The following PRKAR2B variants were observed in gnomAD, a reference collection of about 807,000 sequenced individuals.
PRKAR2B encodes the protein cAMP-dependent protein kinase type II-beta regulatory subunit.
A neutral mutation model predicts 49.9 loss-of-function variants in PRKAR2B; 14 were observed. The ratio of observed to expected loss-of-function variants is 0.28; its 90% CI spans 0.19 to 0.44. The LOEUF is 0.44. Ranked by LOEUF, PRKAR2B falls within the 20% of genes least tolerant of loss-of-function variation. PRKAR2B has a pLI of 1.00. For synonymous variants in PRKAR2B, 196 were observed against 197.7 expected, an observed-to-expected ratio of 0.99 and a Z score of 0.07; for missense variants, 393 against 537.9, an observed-to-expected ratio of 0.73 and a Z score of 2.67.
At chr7:107,045,932 G>C (rs935317944) in intron 1 of PRKAR2B, among the ~76,000 whole-genome samples, 1 of 152,182 alleles carries the variant, frequency 6.6e-6, no homozygotes, top group Non-Finnish European at 1.5e-5. Context: ...GAATGATTTG[G>C]TGCTTTATTT....
Position 107,159,565 on chromosome 7 carries a change from G to A in PRKAR2B, c.1240G>A (p.Val414Ile), listed in dbSNP as rs367760989. The change falls in exon 11 of 11, where the codon GTT becomes ATT. Residue 414 changes from valine (V) to isoleucine (I), a missense_variant. By Grantham distance (29) the Val-to-Ile change is conservative. Coordinates refer to ENST00000265717, the MANE Select transcript of PRKAR2B (RefSeq NM_002736.3). ...VALFGTNMDIVEPTA is the reference protein window; with the variant it reads ...VALFGTNMDIIEPTA ...CCTGTTTGGAACGAACATGGATATT[G>A]TTGAACCCACTGCATGAAGCAAAAG... 1.2e-5 allele frequency: 20 copies of A among 1,613,962 alleles called. No homozygotes were observed. Among genetic ancestry groups the A allele is most frequent in the Non-Finnish European group, 1.6e-5 (19 of 1,179,978 alleles).
chr7:107,080,559 G>T (rs1436215654), intron 2 of PRKAR2B, among the ~76,000 whole-genome samples: 1 of 152,204 alleles, frequency 6.6e-6, no homozygotes, highest in African/African-American at 2.4e-5. Flanking sequence ...TTAGGGAAAA[G>T]ATGGTGGTCT....
Position 107,093,686 on chromosome 7 carries a change from G to A in PRKAR2B, c.343+23370G>A, listed in dbSNP as rs554590519. On this transcript the variant is annotated intron_variant, in intron 2 of 10. Coordinates refer to ENST00000265717, the MANE Select transcript of PRKAR2B (RefSeq NM_002736.3). Reference sequence around the variant, plus strand: ...CTCCCCCCACCCCATGACAGGCCCCGGTGTGTGATGTTTTGCACTCTGTGT... The same window carrying A: ...CTCCCCCCACCCCATGACAGGCCCCAGTGTGTGATGTTTTGCACTCTGTGT... 1.6e-4 allele frequency among the ~76,000 whole-genome samples: 20 copies of A among 127,370 alleles called. No homozygotes were observed. In the South Asian group the frequency reaches 3.6e-3, roughly 23 times the overall value. The allele number at this position is 127,370 out of a possible 152,430, so 83.6% of individuals were successfully genotyped here.
chr7:107,143,986 C>A (rs1386046386), intron 5 of PRKAR2B, among the ~76,000 whole-genome samples: 1 of 152,128 alleles, frequency 6.6e-6, no homozygotes, highest in Non-Finnish European at 1.5e-5. Flanking sequence ...ATCCATGGGA[C>A]AAATTCTAGT....
At chr7:107,061,071 C>T (rs1404071121) in intron 1 of PRKAR2B, among the ~76,000 whole-genome samples, 3 of 152,088 alleles carry the variant, frequency 2.0e-5, no homozygotes, top group Non-Finnish European at 2.9e-5. Flanking sequence ...TGTGAATGTA[C>T]TTCAAGCTTC....
At chr7:107,153,077 G>T in intron 7 of PRKAR2B, 100 bp from the exon 8 acceptor site, 1 of 670,780 alleles carries the variant, frequency 1.5e-6, no homozygotes, top group East Asian at 2.8e-5. Flanking sequence ...CACACTGCTC[G>T]ATTTATTTGG....
chr7:107,047,419 G>C (rs1343229846), intron 1 of PRKAR2B, among the ~76,000 whole-genome samples: 1 of 151,728 alleles, frequency 6.6e-6, no homozygotes, highest in Non-Finnish European at 1.5e-5. Flanking sequence ...GCAACATGTG[G>C]TCTTGATCAC....
chr7:107,153,787 A>T (rs1251381713), intron 8 of PRKAR2B, among the ~76,000 whole-genome samples: 1 of 152,238 alleles, frequency 6.6e-6, no homozygotes, highest in East Asian at 1.9e-4. Flanking sequence ...GGCTACCAAA[A>T]GTAGAATTTG....
intron 5 of PRKAR2B, 95 bp downstream of exon 5, chr7:107,141,048 G>A: frequency 1.2e-6 from 1 of 844,354 alleles, no homozygotes; most frequent in Non-Finnish European, 1.9e-6. Context: ...ATATAGGATA[G>A]TTGTTATTGC....
intron 4 of PRKAR2B, among the ~76,000 whole-genome samples, chr7:107,140,429 T>C (rs1795771426): frequency 6.6e-6 from 1 of 152,232 alleles, no homozygotes; most frequent in South Asian, 2.1e-4. Context: ...GTATTTAGGT[T>C]ATCTGTACAC....
At chr7:107,064,735 G>T (rs1462412007) in intron 1 of PRKAR2B, among the ~76,000 whole-genome samples, 1 of 152,138 alleles carries the variant, frequency 6.6e-6, no homozygotes, top group Non-Finnish European at 1.5e-5. Flanking sequence ...TATTTCAAGG[G>T]CTTACAAGAC....
At chr7:107,052,626 C>T (rs551111604) in intron 1 of PRKAR2B, among the ~76,000 whole-genome samples, 29 of 152,216 alleles carry the variant, frequency 1.9e-4, no homozygotes, top group African/African-American at 6.5e-4. Context: ...TCTTCAACCA[C>T]GGTTTATACA....
chr7:107,070,239 T>G (rs985179902), intron 1 of PRKAR2B, 42 bp from the exon 2 acceptor site: 2 of 1,518,628 alleles, frequency 1.3e-6, no homozygotes. Flanking sequence ...TTGGGAAAAT[T>G]AGACTTTTAA....
chr7:107,066,301 G>GGTGTGTGTGTGTGT lies in PRKAR2B; in HGVS notation c.308-3961_308-3948dup, dbSNP rs3074837. ...AGTCTCTAGTTTTCTCTCTATGTGG[G>GGTGTGTGTGTGTGT]GTGTGTGTGTGTGTGTGTGTGTGTG... On this transcript the variant is annotated intron_variant, in intron 1 of 10. Coordinates refer to ENST00000265717, the MANE Select transcript of PRKAR2B (RefSeq NM_002736.3). Among the ~76,000 whole-genome samples the GGTGTGTGTGTGTGT allele has an allele frequency of 1.5e-3, 224 of 145,602 alleles. 2 individuals are homozygous for GGTGTGTGTGTGTGT. The highest frequency in any genetic ancestry group is 5.5e-3 in the South Asian group (25 of 4,540).
At chr7:107,150,873 G>A in intron 6 of PRKAR2B, 49 bp from the exon 7 acceptor site, 1 of 908,682 alleles carries the variant, frequency 1.1e-6, no homozygotes, top group Non-Finnish European at 1.7e-6. Context: ...AAAACTATTT[G>A]TATAGCTTTA....
chr7:107,111,452 A>G (rs1795170355), intron 2 of PRKAR2B, among the ~76,000 whole-genome samples: 1 of 151,994 alleles, frequency 6.6e-6, no homozygotes, highest in African/African-American at 2.4e-5. Flanking sequence ...CTTGGGTGAG[A>G]TCCCAGTGCC....
At position 107,161,482 on chromosome 7, in the gene PRKAR2B, AAAG is replaced by A. The variant is rs1796195937; in HGVS notation, c.*1901_*1903del. The A allele has an allele frequency of 6.5e-6, 1 of 152,700 alleles. No individual in the cohort carries two copies. Among genetic ancestry groups the A allele is most frequent in the Non-Finnish European group, 1.5e-5 (1 of 68,044 alleles). 9.5% of individuals were successfully genotyped at this position (152,700 alleles called of 1,614,324 possible). ...GTTATATTTAAATTTTCCTTACAAT[AAAG>A]CACACTTTTATAATAAAATACATGA... On this transcript the variant is annotated 3_prime_UTR_variant, in exon 11 of 11. Coordinates refer to ENST00000265717, the MANE Select transcript of PRKAR2B (RefSeq NM_002736.3).
chr7:107,146,266 T>C, intron 5 of PRKAR2B, 42 bp from the exon 6 acceptor site: 2 of 1,567,372 alleles, frequency 1.3e-6, no homozygotes, highest in Non-Finnish European at 1.7e-6. Context: ...ATTTTAATGA[T>C]ATTTTATTTG....
chr7:107,114,378 T>TGTGTGTGTGTG (rs1795231978), intron 2 of PRKAR2B, among the ~76,000 whole-genome samples: 1 of 104,758 alleles, frequency 9.5e-6, no homozygotes, highest in African/African-American at 3.6e-5. Context: ...GTGTGTGTGT[T>TGTGTGTGTGTG]TGAGACTAAG....
Sources: gnomAD v4.1 joint callset for allele counts (sites outside exome capture counted in the v4.1 genomes callset) on GRCh38, gnomAD v4.1.1 for gene constraint, MANE v1.5 for transcripts, NCBI Gene and HGNC (gene_info 2026-07-23, HGNC 2026-07-21) for gene names.